Variants in LEF1 observed in about 807,000 individuals in gnomAD.
LEF1 encodes the protein lymphoid enhancer-binding factor 1.
A neutral mutation model predicts 51.2 loss-of-function variants in LEF1; 14 were observed. That is an observed-to-expected ratio of 0.27 (90% CI 0.18 to 0.43). The LOEUF is 0.43. LEF1 is among the 20% of genes least tolerant of loss of function. The pLI is 1.00. For missense variants in LEF1, 386 were observed against 512.0 expected (o/e 0.75, Z 2.37); for synonymous variants, 185 against 183.2 (o/e 1.01, Z -0.08).
At chr4:108,066,352 A>G (rs1738079632) in intron 9 of LEF1, among the ~76,000 whole-genome samples, 1 of 152,160 alleles carries the variant, frequency 6.6e-6, no homozygotes, top group African/African-American at 2.4e-5. Context: ...CCGTGTCTCA[A>G]GTGTTATCTA....
At chr4:108,080,975 C>T (rs1440645202) in intron 6 of LEF1, among the ~76,000 whole-genome samples, 7 of 152,074 alleles carry the variant, frequency 4.6e-5, no homozygotes, top group African/African-American at 9.7e-5. Context: ...CACACAGCAG[C>T]TTCTCGGTGC....
At chr4:108,095,330 G>T (rs1740310714) in intron 3 of LEF1, among the ~76,000 whole-genome samples, 1 of 152,122 alleles carries the variant, frequency 6.6e-6, no homozygotes, top group Admixed American at 6.5e-5. Context: ...ATATACTCTG[G>T]CACTCGTCCA....
At chr4:108,117,253 A>G (rs1306508201) in intron 3 of LEF1, among the ~76,000 whole-genome samples, 1 of 152,148 alleles carries the variant, frequency 6.6e-6, no homozygotes, top group East Asian at 1.9e-4. Flanking sequence ...CATTTTTTAA[A>G]AAAAACCCTG....
chr4:108,137,374 TC>T (rs143774021), intron 3 of LEF1, among the ~76,000 whole-genome samples: 9,931 of 152,238 alleles, frequency 0.065, 422 homozygotes, highest in Non-Finnish European at 0.098. Context: ...AAAAACTGAT[TC>T]ATGCAATCAA....
chr4:108,087,073 C>T (rs1739700453), intron 4 of LEF1, among the ~76,000 whole-genome samples: 1 of 151,804 alleles, frequency 6.6e-6, no homozygotes, highest in Admixed American at 6.6e-5. Context: ...GCAGCTCTGG[C>T]CTCAGTACCA....
chr4:108,099,552 G>GTATA (rs1358313844), intron 3 of LEF1, among the ~76,000 whole-genome samples: 1 of 42,396 alleles, frequency 2.4e-5, no homozygotes, highest in Admixed American at 2.5e-4. Flanking sequence ...ATGTGTGTGT[G>GTATA]TGTATGTGTG....
intron 9 of LEF1, among the ~76,000 whole-genome samples, chr4:108,066,021 G>A (rs575022468): frequency 1.5e-4 from 23 of 152,298 alleles, no homozygotes; most frequent in African/African-American, 5.3e-4. Context: ...TCCTGCCTCA[G>A]CCTCCCAAGT....
chr4:108,098,374 T>G (rs1268959667), intron 3 of LEF1, among the ~76,000 whole-genome samples: 1 of 152,014 alleles, frequency 6.6e-6, no homozygotes, highest in African/African-American at 2.4e-5. Flanking sequence ...AAGGTCAAGG[T>G]CAGAGAAGTC....
In LEF1 at chr4:108,081,279, A is replaced by G. The variant is rs1739280462; in HGVS notation, c.722+307T>C. 2.0e-5 allele frequency among the ~76,000 whole-genome samples: 3 copies of G among 152,118 alleles called. No individual in the cohort carries two copies. The South Asian group carries it at 6.2e-4, about 32-fold the overall frequency. On this transcript the variant is annotated intron_variant, in intron 6 of 11. Coordinates refer to ENST00000265165, the MANE Select transcript of LEF1 (RefSeq NM_016269.5). Reference sequence around the variant, plus strand: ...TTTGAATCAAACAAACTCTTCTTGTAATGTCCGCTTTCCGGACAGTTCCCA... The same window carrying G: ...TTTGAATCAAACAAACTCTTCTTGTGATGTCCGCTTTCCGGACAGTTCCCA...
chr4:108,076,858 T>A (rs912222144), intron 8 of LEF1, among the ~76,000 whole-genome samples: 4 of 150,404 alleles, frequency 2.7e-5, no homozygotes, highest in African/African-American at 9.8e-5. Context: ...CTGTCTCTAC[T>A]GAAAAAAAAA....
At chr4:108,070,287 A>C (rs1738379573) in intron 9 of LEF1, 1 of 157,762 alleles carries the variant, frequency 6.3e-6, no homozygotes, top group African/African-American at 2.4e-5. Flanking sequence ...CCACGCACAC[A>C]AATATACAAG....
chr4:108,149,404 A>G (rs1194456985), intron 3 of LEF1, among the ~76,000 whole-genome samples: 3 of 136,066 alleles, frequency 2.2e-5, no homozygotes, highest in Non-Finnish European at 4.7e-5. Context: ...GCTTGCAGTG[A>G]GCCGAGGTCG....
At chr4:108,115,090 G>C (rs1472394783) in intron 3 of LEF1, among the ~76,000 whole-genome samples, 1 of 152,196 alleles carries the variant, frequency 6.6e-6, no homozygotes, top group Non-Finnish European at 1.5e-5. Flanking sequence ...AGGTTGTAAG[G>C]CTTCAAATAA....
intron 10 of LEF1, among the ~76,000 whole-genome samples, chr4:108,063,907 T>C (rs1737871154): frequency 6.6e-6 from 1 of 152,220 alleles, no homozygotes; most frequent in Non-Finnish European, 1.5e-5. Context: ...TCATTATGTT[T>C]TAAATTTTTA....
chr4:108,099,518 G>GTA lies in LEF1; in HGVS notation c.415-10263_415-10262dup, dbSNP rs34224822. Among the ~76,000 whole-genome samples the GTA allele has an allele frequency of 3.4e-4, 36 of 105,468 alleles. 2 individuals carry two copies. Among genetic ancestry groups the GTA allele is most frequent in the African/African-American group, 7.5e-4 (22 of 29,224 alleles). The allele number at this position is 105,468 out of a possible 152,430, so 69.2% of individuals were successfully genotyped here. ...CATGTATGTATATATATATGTGTAT[G>GTA]TATATATATATATATATGTGTATAT... On this transcript the variant is annotated intron_variant, in intron 3 of 11. Transcript: ENST00000265165.
intron 1 of LEF1, chr4:108,166,568 A>C: frequency 8.4e-7 from 1 of 1,191,484 alleles, no homozygotes; most frequent in Non-Finnish European, 1.0e-6. Context: ...CCAGCTCTGG[A>C]CTAGGCTTCA....
At chr4:108,079,639 C>T in intron 6 of LEF1, 25 bp from the exon 7 acceptor site, 2 of 1,613,578 alleles carry the variant, frequency 1.2e-6, no homozygotes, top group Non-Finnish European at 1.7e-6. Flanking sequence ...GAGAAGAAAA[C>T]AATGTACTAC....
intron 3 of LEF1, among the ~76,000 whole-genome samples, chr4:108,130,073 T>C (rs1742776693): frequency 6.6e-6 from 1 of 152,182 alleles, no homozygotes; most frequent in Admixed American, 6.5e-5. Context: ...TCAATTCCAA[T>C]AATCACCTAG....
intron 3 of LEF1, among the ~76,000 whole-genome samples, chr4:108,157,221 A>ACACACACACACACAC (rs1430240760): frequency 1.1e-3 from 56 of 51,532 alleles, no homozygotes; most frequent in South Asian, 3.8e-3. Context: ...CACACACACA[A>ACACACACACACACAC]ACACACATAT....
Sources: gnomAD v4.1 joint callset for allele counts (sites outside exome capture counted in the v4.1 genomes callset) on GRCh38, gnomAD v4.1.1 for gene constraint, MANE v1.5 for transcripts, NCBI Gene and HGNC (gene_info 2026-07-23, HGNC 2026-07-21) for gene names.